The following CLCNKB variants were observed in gnomAD, a reference collection of about 807,000 sequenced individuals.
CLCNKB encodes chloride voltage-gated channel Kb, also known as chloride channel protein ClC-Kb.
CLCNKB carries 74 observed loss-of-function variants against 83.8 expected under a neutral mutation model. The observed-to-expected ratio is 0.88, with a 90% CI of 0.73 to 1.07. The LOEUF is 1.07. Among genes scored for constraint, CLCNKB ranks in the 50% least tolerant of loss-of-function variants. The pLI is 0.00. For missense variants in CLCNKB, 798 were observed against 893.6 expected (o/e 0.89, Z 1.36); for synonymous variants, 358 against 356.6 (o/e 1.00, Z -0.04).
chr1:16,046,824 G>A (rs2023117858), intron 4 of CLCNKB, among the ~76,000 whole-genome samples, 161 bp downstream of exon 4: 1 of 152,212 alleles, frequency 6.6e-6, no homozygotes, highest in Admixed American at 6.5e-5. Flanking sequence ...TTGACTTTTG[G>A]GTCACTGCTG....
Position 16,047,946 on chromosome 1 carries a change from G to A in CLCNKB, c.400G>A (p.Val134Ile). ...GGTGAAGACCATGTTGGCGGGTGTG[G>A]TCTTGGAGGACTACCTGGATATCAA... ...PEVKTMLAGV[V>I]LEDYLDIKNF... The change falls in exon 5 of 20, where the codon GTC (valine) becomes ATC (isoleucine). Residue 134 changes from valine (V) to isoleucine (I), a missense_variant. Val to Ile is a conservative substitution (Grantham distance 29, BLOSUM62 3). Transcript: ENST00000375679. 2.5e-6 allele frequency: 4 copies of A among 1,614,094 alleles called. No individual in the cohort carries two copies. Among genetic ancestry groups the A allele is most frequent in the Non-Finnish European group, 3.4e-6 (4 of 1,180,036 alleles).
chr1:16,048,268 G>T, intron 5 of CLCNKB, 75 bp from the exon 6 acceptor site: 1 of 1,572,722 alleles, frequency 6.4e-7, no homozygotes, highest in Non-Finnish European at 8.7e-7. Flanking sequence ...GTGTTGGGGG[G>T]AAGCCGTGCT....
chr1:16,044,659 C>T (rs1050863925), intron 2 of CLCNKB, 67 bp downstream of exon 2: 2 of 1,332,266 alleles, frequency 1.5e-6, no homozygotes, highest in Non-Finnish European at 1.1e-6. Context: ...GCCCAGCTCC[C>T]ACCCCACCTC....
chr1:16,054,470 A>T (rs1016670107), intron 16 of CLCNKB, among the ~76,000 whole-genome samples: 4 of 152,164 alleles, frequency 2.6e-5, no homozygotes, highest in Non-Finnish European at 5.9e-5. Context: ...AAGAGGGATA[A>T]GGCCATTTAT....
chr1:16,046,542 G>A lies in CLCNKB; in HGVS notation c.237G>A (p.Gln79=), dbSNP rs373764706. 4 of 1,613,894 alleles carry A rather than the reference G, an allele frequency of 2.5e-6. No homozygotes were observed. Among genetic ancestry groups the A allele is most frequent in the Non-Finnish European group, 3.4e-6 (4 of 1,180,024 alleles). ...LAVESVVRAH[Q]WLYREIGDSH... ...ATACCCGGCTGTCCCCAGCGCACCAGTGGCTGTACAGGGAGATTGGGGACA... is the reference window on the plus strand; with the variant it reads ...ATACCCGGCTGTCCCCAGCGCACCAATGGCTGTACAGGGAGATTGGGGACA... The change falls in exon 4 of 20, where the codon CAG becomes CAA. Residue 79 remains glutamine, a synonymous_variant. Coordinates refer to ENST00000375679, the MANE Select transcript of CLCNKB (RefSeq NM_000085.5).
chr1:16,047,863 C>A, intron 4 of CLCNKB, 42 bp from the exon 5 acceptor site: 1 of 1,607,908 alleles, frequency 6.2e-7, no homozygotes, highest in Non-Finnish European at 8.5e-7. Context: ...GATTTTTAAC[C>A]TAGAGATTGT....
intron 8 of CLCNKB, 60 bp downstream of exon 8, chr1:16,049,305 C>T: frequency 6.2e-7 from 1 of 1,605,126 alleles, no homozygotes; most frequent in Non-Finnish European, 8.5e-7. Context: ...AGGGGGCCCT[C>T]CCTTCTCCCC....
intron 8 of CLCNKB, 68 bp downstream of exon 8, chr1:16,049,313 C>T: frequency 1.2e-6 from 2 of 1,601,458 alleles, no homozygotes; most frequent in African/African-American, 1.3e-5. Flanking sequence ...CTCCCTTCTC[C>T]CCTGTGTACA....
Position 16,052,106 on chromosome 1 carries a change from C to T in CLCNKB, c.1409-92C>T, listed in dbSNP as rs528058642. 72 of 1,509,400 alleles carry T rather than the reference C, an allele frequency of 4.8e-5. No homozygotes were observed. In the South Asian group the frequency reaches 7.2e-4, roughly 15 times the overall value. 93.5% of individuals were successfully genotyped at this position (1,509,400 alleles called of 1,614,324 possible). A position where few individuals can be genotyped will look rare whatever the true frequency, so the allele number is the denominator to read the frequency against. On this transcript the variant is annotated intron_variant, in intron 14 of 19. Coordinates refer to ENST00000375679, the MANE Select transcript of CLCNKB (RefSeq NM_000085.5). ...CCAGGCTGTGGCCTCTTACAAATCA[C>T]ACCTTAGCCCCTGGTCGCAGCCGTG... is the stretch of plus-strand genomic sequence containing the variant.
At position 16,056,526 on chromosome 1, in the gene CLCNKB, G is replaced by A. The variant is rs2023446574; in HGVS notation, c.2016+18G>A. The A allele has an allele frequency of 2.0e-6, 3 of 1,494,196 alleles. No homozygotes were observed. Among genetic ancestry groups the A allele is most frequent in the South Asian group, 1.1e-5 (1 of 89,476 alleles). The allele number at this position is 1,494,196 out of a possible 1,614,324, so 92.6% of individuals were successfully genotyped here. A position where few individuals can be genotyped will look rare whatever the true frequency, so the allele number is the denominator to read the frequency against. The stretch of plus-strand genomic sequence containing the variant: ...GGGTGGAGGTACCAGGGTCCCGGGG[G>A]CAGAGCAAAGCAGGGAACCTATGCC... On this transcript the variant is annotated intron_variant, in intron 19 of 19. Coordinates refer to ENST00000375679, the MANE Select transcript of CLCNKB (RefSeq NM_000085.5).
chr1:16,055,232 A>G (rs2023401674), intron 16 of CLCNKB, among the ~76,000 whole-genome samples: 1 of 152,142 alleles, frequency 6.6e-6, no homozygotes, highest in Admixed American at 6.5e-5. Context: ...ATCCTCAGCT[A>G]CCACACCTGA....
chr1:16,044,720 CAA>C, intron 2 of CLCNKB, 128 bp downstream of exon 2: 2 of 792,170 alleles, frequency 2.5e-6, no homozygotes, highest in Non-Finnish European at 4.2e-6. Flanking sequence ...CATGACTGCC[CAA>C]AGTCTCCTGG....
Position 16,045,683 on chromosome 1 carries a change from C to T in CLCNKB, c.226C>T (p.Arg76Ter), listed in dbSNP as rs370985865. Residue 76 changes from arginine (R) to a stop codon, truncating the protein, a stop_gained, in exon 3 of 20, where the codon CGA becomes TGA. Transcript: ENST00000375679. LOFTEE classifies it high-confidence loss of function. ...GGACTTGGCTGTTGAGAGTGTGGTCCGAGGTAACCCCTCCATGGCAGGTGC... is the reference window on the plus strand; with the variant it reads ...GGACTTGGCTGTTGAGAGTGTGGTCTGAGGTAACCCCTCCATGGCAGGTGC... The part of the protein sequence containing the change: ...AMDLAVESVV[R>*]AHQWLYREIG... 2.2e-5 allele frequency: 35 copies of T among 1,612,302 alleles called. No individual in the cohort carries two copies. The highest frequency in any genetic ancestry group is 2.7e-5 in the Non-Finnish European group (32 of 1,178,962).
chr1:16,045,545 T>A lies in CLCNKB; in HGVS notation c.101-13T>A, dbSNP rs1474391609. 5 of 1,612,278 alleles carry A rather than the reference T, an allele frequency of 3.1e-6. No individual in the cohort carries two copies. The highest frequency in any genetic ancestry group is 8.5e-7 in the Non-Finnish European group (1 of 1,178,802). Reference sequence around the variant, plus strand: ...TGCCCCACCCTGTGCCGTGACCCCATGCCCTGCCCCAGGTGGCCTGGAGTG... The same window carrying A: ...TGCCCCACCCTGTGCCGTGACCCCAAGCCCTGCCCCAGGTGGCCTGGAGTG... On this transcript the variant is annotated splice_polypyrimidine_tract_variant and intron_variant, in intron 2 of 19. Transcript: ENST00000375679.
intron 2 of CLCNKB, among the ~76,000 whole-genome samples, chr1:16,044,959 T>C (rs984850049): frequency 1.3e-5 from 2 of 152,178 alleles, no homozygotes; most frequent in Non-Finnish European, 2.9e-5. Flanking sequence ...TTGGCACCTT[T>C]CCTTGGAGCC....
At chr1:16,052,658 C>T (rs1413015187) in intron 15 of CLCNKB, among the ~76,000 whole-genome samples, 1 of 152,146 alleles carries the variant, frequency 6.6e-6, no homozygotes, top group Non-Finnish European at 1.5e-5. Flanking sequence ...AGTATTGCCC[C>T]GTGTACAGAT....
rs754158660 is a variant in CLCNKB at position 16,050,575 on chromosome 1, G to A, written c.1028G>A (p.Ser343Asn). Residue 343 changes from serine to asparagine, a missense_variant, in exon 11 of 20, where the codon AGC becomes AAC. By Grantham distance (46) the Ser-to-Asn change is conservative. Transcript: ENST00000375679. ...LVLASITYPP[S>N]AGRFLASRLS... ...CTCGCCTCCATCACCTACCCACCCA[G>A]CGCCGGCCGCTTCCTAGCTTCTCGG... 13 of 1,613,946 alleles carry A rather than the reference G, an allele frequency of 8.1e-6. No homozygotes were observed. Among genetic ancestry groups the A allele is most frequent in the African/African-American group, 5.3e-5 (4 of 74,898 alleles).
rs1401073330 is a variant in CLCNKB at position 16,045,675 on chromosome 1, G to A, written c.218G>A (p.Ser73Asn). The A allele has an allele frequency of 1.2e-6, 2 of 1,612,878 alleles. No individual in the cohort carries two copies. The highest frequency in any genetic ancestry group is 1.7e-6 in the Non-Finnish European group (2 of 1,179,132). Residue 73 changes from serine to asparagine, a missense_variant, in exon 3 of 20, where the codon AGT becomes AAT. Transcript: ENST00000375679. ...TGTGCCATGGACTTGGCTGTTGAGAGTGTGGTCCGAGGTAACCCCTCCATG... is the reference window on the plus strand; with the variant it reads ...TGTGCCATGGACTTGGCTGTTGAGAATGTGGTCCGAGGTAACCCCTCCATG... ...VSCAMDLAVE[S>N]VVRAHQWLYR...
rs1022537062 is a variant in CLCNKB at position 16,044,521 on chromosome 1, G to C, written c.29G>C (p.Gly10Ala). 10 of 1,606,276 alleles carry C rather than the reference G, an allele frequency of 6.2e-6. No individual in the cohort carries two copies. Among genetic ancestry groups the C allele is most frequent in the Non-Finnish European group, 8.5e-6 (10 of 1,177,250 alleles). Residue 10 changes from glycine to alanine, a missense_variant, in exon 2 of 20, where the codon GGC becomes GCC. Gly to Ala is a moderately conservative substitution (Grantham distance 60). Transcript: ENST00000375679. ...GAGGAGTTTGTGGGGCTGCGTGAAG[G>C]CTCCTCAGGGAACCCTGTGACTCTG... MEEFVGLRE[G>A]SSGNPVTLQE...
Sources: allele counts gnomAD v4.1 joint callset (sites outside exome capture counted in the v4.1 genomes callset), GRCh38; gene constraint gnomAD v4.1.1; transcripts MANE v1.5; gene names NCBI Gene and HGNC (gene_info 2026-07-23, HGNC 2026-07-21).